ZNF721: variants seen among roughly 807,000 people sequenced by gnomAD.
ZNF721 encodes zinc finger protein 721.
A neutral mutation model predicts 2.4 loss-of-function variants in ZNF721; 2 were observed. That is an observed-to-expected ratio of 0.82 (90% CI 0.34 to 2.58). The LOEUF (loss-of-function observed/expected upper bound fraction) is 2.58, where lower values mean the gene tolerates loss of function less well. Ranked by LOEUF, ZNF721 falls within the 30% of genes most tolerant of loss-of-function variation. The pLI is 0.11. For synonymous variants in ZNF721, 398 were observed against 381.8 expected (o/e 1.04, Z -0.50); for missense variants, 1,187 against 1,085.5 (o/e 1.09, Z -1.31).
rs1164294702 is a variant in ZNF721 at position 472,439 on chromosome 4, T to C, written c.34+136A>G. 1.1e-4 allele frequency: 97 copies of C among 921,656 alleles called. 1 individual carries two copies. Among genetic ancestry groups the C allele is most frequent in the Non-Finnish European group, 1.5e-4 (93 of 626,662 alleles). 57.1% of individuals were successfully genotyped at this position (921,656 alleles called of 1,614,324 possible). On this transcript the variant is annotated intron_variant, in intron 2 of 2. Coordinates refer to ENST00000511833, the MANE Select transcript of ZNF721 (RefSeq NM_133474.4). ...TATCAACAATGTTAAGAATTTACTA[T>C]ACACATATATAACTTACATAGCTGT...
intron 1 of ZNF721, among the ~76,000 whole-genome samples, chr4:480,584 C>T (rs1553869272): frequency 6.6e-6 from 1 of 152,182 alleles, no homozygotes; most frequent in African/African-American, 2.4e-5. Context: ...TGAAATACAT[C>T]ATTCTACTTC....
rs138344967 is a variant in ZNF721, at chr4:447,996, G to T, written c.35-3564C>A. ...ATTTAAATACCCCAATTTCTATAAA[G>T]AATAATGAAACAAGATAAAATATTC... On this transcript the variant is annotated intron_variant, in intron 2 of 2. Transcript: ENST00000511833. Among the ~76,000 whole-genome samples, 177 of 152,034 alleles carry T rather than the reference G, an allele frequency of 1.2e-3. 5 individuals carry two copies. The East Asian group carries it at 0.034, about 29-fold the overall frequency.
At chr4:489,717 C>T (rs1715977308) in intron 1 of ZNF721, among the ~76,000 whole-genome samples, 1 of 152,180 alleles carries the variant, frequency 6.6e-6, no homozygotes, top group Non-Finnish European at 1.5e-5. Flanking sequence ...TGTGTAGCTA[C>T]TGGGGAGGAA....
intron 2 of ZNF721, among the ~76,000 whole-genome samples, chr4:447,444 A>AT (rs1463047576): frequency 2.6e-5 from 4 of 152,148 alleles, no homozygotes; most frequent in Non-Finnish European, 5.9e-5. Flanking sequence ...GTAAAGGTGT[A>AT]TCAGTACAAA....
At chr4:470,042 C>G (rs1715384923) in intron 2 of ZNF721, among the ~76,000 whole-genome samples, 1 of 152,128 alleles carries the variant, frequency 6.6e-6, no homozygotes, top group South Asian at 2.1e-4. Context: ...GCCACCATGC[C>G]CAGCTAATTT....
Position 443,216 on chromosome 4 carries a change from G to A in ZNF721, c.1251C>T (p.Tyr417=). 1 of 1,613,934 alleles carries A rather than the reference G, an allele frequency of 6.2e-7. No homozygotes were observed. The highest frequency in any genetic ancestry group is 2.2e-5 in the East Asian group (1 of 44,872). The change falls in exon 3 of 3, where the codon TAC becomes TAT. Residue 417 remains tyrosine, a synonymous_variant. Transcript: ENST00000511833. ...AGGCTCTGCCACGATCTTCACATGT[G>A]TAGGGTTTCTCTCTGGTGTGAATTC... The part of the protein sequence containing the change: ...HKRIHTREKP[Y]TCEDRGRAFG...
Position 469,950 on chromosome 4 carries a change from C to T in ZNF721, c.34+2625G>A, listed in dbSNP as rs554696063. 2.6e-5 allele frequency among the ~76,000 whole-genome samples: 4 copies of T among 152,248 alleles called. No individual in the cohort carries two copies. The East Asian group carries it at 5.8e-4, about 22-fold the overall frequency. Reference sequence around the variant, plus strand: ...AGACTGGAGTGCAGTGGCGCCATCTCGGCTCACTGCAAGCTCCCGCCTCCC... The same window carrying T: ...AGACTGGAGTGCAGTGGCGCCATCTTGGCTCACTGCAAGCTCCCGCCTCCC... On this transcript the variant is annotated intron_variant, in intron 2 of 2. Transcript: ENST00000511833.
chr4:453,516 T>C (rs1157534681), intron 2 of ZNF721: 3 of 152,212 alleles, frequency 2.0e-5, no homozygotes, highest in Admixed American at 2.0e-4. Context: ...CAAACTTGAA[T>C]GTGGATGAAT....
At chr4:468,175 G>A (rs1715315157) in intron 2 of ZNF721, among the ~76,000 whole-genome samples, 1 of 151,994 alleles carries the variant, frequency 6.6e-6, no homozygotes, top group African/African-American at 2.4e-5. Context: ...GCTGAGGCAG[G>A]AGAATGGCAT....
chr4:498,637 T>G (rs1716442118), intron 1 of ZNF721, among the ~76,000 whole-genome samples: 1 of 151,990 alleles, frequency 6.6e-6, no homozygotes, highest in Non-Finnish European at 1.5e-5. Context: ...GAAAGACAAA[T>G]ACCTCATGAT....
At chr4:471,759 AT>A (rs1253764980) in intron 2 of ZNF721, among the ~76,000 whole-genome samples, 2 of 152,176 alleles carry the variant, frequency 1.3e-5, no homozygotes, top group African/African-American at 4.8e-5. Context: ...TACCAAAAAA[AT>A]CATGATCTAT....
intron 2 of ZNF721, among the ~76,000 whole-genome samples, chr4:457,189 T>C (rs1714873892): frequency 6.6e-6 from 1 of 152,166 alleles, no homozygotes; most frequent in Non-Finnish European, 1.5e-5. Flanking sequence ...TTTCAGAAAT[T>C]TTGAATTTGA....
At chr4:453,123 C>T (rs924837737) in intron 2 of ZNF721, among the ~76,000 whole-genome samples, 5 of 152,142 alleles carry the variant, frequency 3.3e-5, no homozygotes, top group African/African-American at 7.2e-5. Context: ...TGGTGGCACT[C>T]GACGCTAGAA....
intron 2 of ZNF721, among the ~76,000 whole-genome samples, chr4:464,502 T>C (rs115396572): frequency 0.028 from 4,124 of 148,658 alleles, 79 homozygotes; most frequent in Non-Finnish European, 0.045. Flanking sequence ...CATTTGAAAG[T>C]TCCTAATTAA....
intron 2 of ZNF721, among the ~76,000 whole-genome samples, chr4:466,165 C>G (rs1715244797): frequency 6.6e-6 from 1 of 150,962 alleles, no homozygotes; most frequent in African/African-American, 2.4e-5. Context: ...TTTTCCTTTA[C>G]CTAATGATTT....
chr4:495,403 T>C (rs1469244970), intron 1 of ZNF721, among the ~76,000 whole-genome samples: 1 of 142,972 alleles, frequency 7.0e-6, no homozygotes, highest in African/African-American at 2.6e-5. Context: ...CTTCTAAATA[T>C]AAACATGCAC....
chr4:493,162 CT>C (rs1716067481), intron 1 of ZNF721, among the ~76,000 whole-genome samples: 1 of 137,302 alleles, frequency 7.3e-6, no homozygotes, highest in African/African-American at 2.8e-5. Context: ...AAAATTATAA[CT>C]GAGACAGTAA....
intron 2 of ZNF721, among the ~76,000 whole-genome samples, chr4:447,363 T>C (rs1410004400): frequency 2.0e-5 from 3 of 151,724 alleles, no homozygotes; most frequent in Non-Finnish European, 4.4e-5. Context: ...AATATATTAT[T>C]TTAAGAAATT....
intron 1 of ZNF721, among the ~76,000 whole-genome samples, chr4:496,154 G>GT (rs57921652): frequency 9.0e-6 from 1 of 111,622 alleles, no homozygotes; most frequent in Non-Finnish European, 1.7e-5. Flanking sequence ...TTTTGTGTGT[G>GT]GGGGGTAGAC....
Sources: allele counts gnomAD v4.1 joint callset (sites outside exome capture counted in the v4.1 genomes callset), GRCh38; gene constraint gnomAD v4.1.1; transcripts MANE v1.5; gene names NCBI Gene and HGNC (gene_info 2026-07-23, HGNC 2026-07-21).